The following ENOX1 variants were observed in gnomAD, a reference collection of about 807,000 sequenced individuals.
ENOX1 encodes the protein candidate growth-related and time keeping constitutive hydroquinone (NADH) oxidase.
ENOX1 carries 42 observed loss-of-function variants against 82.5 expected under a neutral mutation model. That is an observed-to-expected ratio of 0.51 (90% CI 0.40 to 0.66). The LOEUF (loss-of-function observed/expected upper bound fraction) is 0.66. ENOX1 is among the 30% of genes least tolerant of loss of function. The pLI, the probability that ENOX1 is intolerant of heterozygous loss-of-function variation, is 0.00. For synonymous variants in ENOX1, 271 were observed against 282.2 expected (o/e 0.96, Z 0.40); for missense variants, 608 against 811.6 (o/e 0.75, Z 3.05).
At chr13:43,664,736 A>G (rs1018086753) in intron 2 of ENOX1, among the ~76,000 whole-genome samples, 2 of 152,220 alleles carry the variant, frequency 1.3e-5, no homozygotes, top group African/African-American at 4.8e-5. Context: ...TAAGCAATGG[A>G]GACACAGGAT....
At position 43,214,089 on chromosome 13, in the gene ENOX1, C is replaced by T. The variant is rs747212614; in HGVS notation, c.1833G>A (p.Met611Ile). 7 of 1,613,002 alleles carry T rather than the reference C, an allele frequency of 4.3e-6. No homozygotes were observed. Among genetic ancestry groups the T allele is most frequent in the Non-Finnish European group, 5.1e-6 (6 of 1,179,468 alleles). ...ISANEIEMLL[M>I]RLPRMFKQEF... ...CCTGTTTGAACATGCGTGGCAGCCT[C>T]ATCAAAAGCATTTCTATTTCATTTG... Residue 611 changes from methionine to isoleucine, a missense_variant, in exon 17 of 17, where the codon ATG becomes ATA. Transcript: ENST00000690772.
chr13:43,377,122 G>A (rs990654455), intron 5 of ENOX1, among the ~76,000 whole-genome samples: 1 of 152,162 alleles, frequency 6.6e-6, no homozygotes, highest in African/African-American at 2.4e-5. Context: ...CTTTTCAAAG[G>A]TGACTAGGCT....
At chr13:43,648,743 A>G (rs2084014304) in intron 2 of ENOX1, among the ~76,000 whole-genome samples, 1 of 152,216 alleles carries the variant, frequency 6.6e-6, no homozygotes, top group Non-Finnish European at 1.5e-5. Context: ...CATGACTTTT[A>G]AGGCTTTATT....
chr13:43,538,825 C>T (rs1181887303), intron 2 of ENOX1, among the ~76,000 whole-genome samples: 4 of 22,550 alleles, frequency 1.8e-4, no homozygotes, highest in Non-Finnish European at 3.7e-4. Context: ...TGCCTTTCCT[C>T]CCCGCCCCTG....
intron 14 of ENOX1, among the ~76,000 whole-genome samples, chr13:43,262,521 A>C (rs540030956): frequency 6.6e-6 from 1 of 152,208 alleles, no homozygotes; most frequent in African/African-American, 2.4e-5. Context: ...CCTGTCTGCT[A>C]TATTAAATAC....
chr13:43,551,173 C>T (rs927045841), intron 2 of ENOX1, among the ~76,000 whole-genome samples: 5 of 152,118 alleles, frequency 3.3e-5, no homozygotes, highest in Non-Finnish European at 5.9e-5. Context: ...AAATACTTTT[C>T]CAAGTATAGC....
intron 8 of ENOX1, among the ~76,000 whole-genome samples, chr13:43,347,373 T>A (rs979991542): frequency 6.6e-6 from 1 of 152,184 alleles, no homozygotes; most frequent in African/African-American, 2.4e-5. Context: ...GAATATAGTT[T>A]CAAAGACTCC....
intron 14 of ENOX1, among the ~76,000 whole-genome samples, chr13:43,250,782 G>T (rs1446160787): frequency 6.6e-6 from 1 of 152,160 alleles, no homozygotes; most frequent in Non-Finnish European, 1.5e-5. Context: ...AGTCTATAGG[G>T]CAGCCAGCTA....
chr13:43,514,558 C>T (rs114565279), intron 2 of ENOX1, among the ~76,000 whole-genome samples: 1,756 of 152,208 alleles, frequency 0.012, 22 homozygotes, highest in Middle Eastern at 0.037. Flanking sequence ...ATCACCCAGC[C>T]AGCCTTCCTC....
chr13:43,756,478 G>T (rs1212010033), intron 1 of ENOX1, among the ~76,000 whole-genome samples: 20 of 129,632 alleles, frequency 1.5e-4, no homozygotes, highest in African/African-American at 5.8e-4. Flanking sequence ...GAGGGGAGGG[G>T]AGGGGAAGGG....
chr13:43,774,851 T>G (rs576796175), intron 1 of ENOX1, among the ~76,000 whole-genome samples: 2 of 152,222 alleles, frequency 1.3e-5, no homozygotes, highest in Admixed American at 6.5e-5. Flanking sequence ...CTTTCTTTTC[T>G]TTTTTCTTTT....
intron 9 of ENOX1, among the ~76,000 whole-genome samples, chr13:43,338,238 T>G (rs1374003956): frequency 1.3e-5 from 2 of 152,216 alleles, no homozygotes; most frequent in Non-Finnish European, 2.9e-5. Flanking sequence ...ACAGCTCCTG[T>G]ACGAGCTTTG....
intron 2 of ENOX1, among the ~76,000 whole-genome samples, chr13:43,659,176 T>A (rs2084593300): frequency 6.6e-6 from 1 of 152,150 alleles, no homozygotes; most frequent in South Asian, 2.1e-4. Context: ...CTGGAGATAC[T>A]GATGATTTCT....
intron 2 of ENOX1, among the ~76,000 whole-genome samples, chr13:43,587,762 A>C (rs1170382965): frequency 6.6e-6 from 1 of 152,216 alleles, no homozygotes; most frequent in Non-Finnish European, 1.5e-5. Context: ...TAAACATGTT[A>C]TATATTTATG....
At chr13:43,487,501 C>G (rs1364576836) in intron 2 of ENOX1, among the ~76,000 whole-genome samples, 2 of 152,170 alleles carry the variant, frequency 1.3e-5, no homozygotes, top group Non-Finnish European at 2.9e-5. Context: ...AACAACACAG[C>G]CAGGTCATAG....
At chr13:43,710,982 T>C (rs896027159) in intron 1 of ENOX1, among the ~76,000 whole-genome samples, 5 of 152,080 alleles carry the variant, frequency 3.3e-5, no homozygotes, top group Non-Finnish European at 7.4e-5. Flanking sequence ...TTGTTACATA[T>C]GTATACATGT....
intron 3 of ENOX1, among the ~76,000 whole-genome samples, chr13:43,432,696 ATTT>A (rs931895007): frequency 1.3e-5 from 2 of 152,130 alleles, no homozygotes; most frequent in African/African-American, 2.4e-5. Context: ...TGACTTTGAC[ATTT>A]TAAAGATCTG....
intron 3 of ENOX1, among the ~76,000 whole-genome samples, chr13:43,466,032 G>A (rs529025416): frequency 7.2e-5 from 11 of 152,294 alleles, no homozygotes; most frequent in Admixed American, 5.2e-4. Context: ...CACCCAGGAA[G>A]ACTATAATTC....
chr13:43,326,064 A>C (rs1016128733), intron 10 of ENOX1, among the ~76,000 whole-genome samples: 3 of 152,270 alleles, frequency 2.0e-5, no homozygotes, highest in Admixed American at 6.5e-5. Context: ...CACGTAGAAC[A>C]CTAAAAAAAA....
Sources: gnomAD v4.1 joint callset for allele counts (sites outside exome capture counted in the v4.1 genomes callset) on GRCh38, gnomAD v4.1.1 for gene constraint, MANE v1.5 for transcripts, NCBI Gene and HGNC (gene_info 2026-07-23, HGNC 2026-07-21) for gene names.